LASP1: variants seen among roughly 807,000 people sequenced by gnomAD.
The protein encoded by LASP1 is LIM and SH3 domain protein 1.
A neutral mutation model predicts 38.6 loss-of-function variants in LASP1; 10 were observed. That is an observed-to-expected ratio of 0.26 (90% CI 0.16 to 0.44). The LOEUF (loss-of-function observed/expected upper bound fraction) is 0.44, where lower values mean the gene tolerates loss of function less well. Ranked by LOEUF, LASP1 falls within the 20% of genes least tolerant of loss-of-function variation. The pLI is 1.00. For synonymous variants in LASP1, 132 were observed against 140.8 expected, an observed-to-expected ratio of 0.94 and a Z score of 0.44; for missense variants, 243 against 375.7, an observed-to-expected ratio of 0.65 and a Z score of 2.92.
chr17:38,877,409 C>T (rs1232573896), intron 1 of LASP1, among the ~76,000 whole-genome samples: 1 of 152,172 alleles, frequency 6.6e-6, no homozygotes, highest in Non-Finnish European at 1.5e-5. Flanking sequence ...CGGGTGCTCT[C>T]CTGCCCTCCT....
chr17:38,887,360 G>A (rs1482053566), intron 2 of LASP1, among the ~76,000 whole-genome samples: 1 of 152,176 alleles, frequency 6.6e-6, no homozygotes, highest in Non-Finnish European at 1.5e-5. Flanking sequence ...CTCAGGGCCT[G>A]CCAGCCCTGC....
At position 38,920,316 on chromosome 17, in the gene LASP1, A is replaced by G; in HGVS notation, c.*1538A>G. On this transcript the variant is annotated 3_prime_UTR_variant, in exon 7 of 7. Coordinates refer to ENST00000318008, the MANE Select transcript of LASP1 (RefSeq NM_006148.4). Reference sequence around the variant, plus strand: ...TCCCCTAGACCTCCCCCTCACTTACATAAAGCTCCCTTGAAGCAAGAAAGA... The same window carrying G: ...TCCCCTAGACCTCCCCCTCACTTACGTAAAGCTCCCTTGAAGCAAGAAAGA... 2.6e-6 allele frequency: 1 copy of G among 388,312 alleles called. No individual in the cohort carries two copies. Among genetic ancestry groups the G allele is most frequent in the Non-Finnish European group, 5.0e-6 (1 of 201,700 alleles). The allele number at this position is 388,312 out of a possible 1,614,324, so 24.1% of individuals were successfully genotyped here. A position where few individuals can be genotyped will look rare whatever the true frequency, so the allele number is the denominator to read the frequency against.
intron 4 of LASP1, among the ~76,000 whole-genome samples, chr17:38,909,934 G>A (rs1407955508): frequency 6.6e-6 from 1 of 152,112 alleles, no homozygotes; most frequent in Non-Finnish European, 1.5e-5. Context: ...TTTCAGTAGA[G>A]ACAGGGTTTC....
intron 2 of LASP1, among the ~76,000 whole-genome samples, chr17:38,884,456 T>C (rs78737686): frequency 0.52 from 77,844 of 150,468 alleles, 21,074 homozygotes; most frequent in African/African-American, 0.67. Context: ...GGCGCAATCT[T>C]GGCTCACTGC....
chr17:38,897,606 G>A (rs1914523642), intron 3 of LASP1, among the ~76,000 whole-genome samples: 1 of 152,200 alleles, frequency 6.6e-6, no homozygotes, highest in African/African-American at 2.4e-5. Flanking sequence ...CCTTTCTGAT[G>A]TCTGACTTGA....
chr17:38,892,090 A>G (rs905729384), intron 3 of LASP1, among the ~76,000 whole-genome samples: 2 of 152,144 alleles, frequency 1.3e-5, no homozygotes, highest in Non-Finnish European at 2.9e-5. Flanking sequence ...CCCTGTCTCT[A>G]AAAAAAGGAA....
intron 1 of LASP1, among the ~76,000 whole-genome samples, chr17:38,877,056 A>G (rs1913801981): frequency 6.6e-6 from 1 of 152,138 alleles, no homozygotes. Flanking sequence ...GGCACAGTGA[A>G]GCCCCTCTGC....
chr17:38,881,240 TCTTA>T (rs929669350), intron 2 of LASP1, among the ~76,000 whole-genome samples: 41 of 152,226 alleles, frequency 2.7e-4, no homozygotes, highest in African/African-American at 9.9e-4. Context: ...CCTCCTGCTT[TCTTA>T]CTTTTTTTGT....
chr17:38,919,965 TCTTC>T lies in LASP1; in HGVS notation c.*1189_*1192del. ...GGTTATGTGAGGGTATGAAGAGCTG[TCTTC>T]CCCTGAGAGTTTCCTCAGAACCCAC... is the stretch of plus-strand genomic sequence containing the variant. On this transcript the variant is annotated 3_prime_UTR_variant, in exon 7 of 7. Coordinates refer to ENST00000318008, the MANE Select transcript of LASP1 (RefSeq NM_006148.4). The T allele has an allele frequency of 1.9e-6, 1 of 534,980 alleles. No individual in the cohort carries two copies. The highest frequency in any genetic ancestry group is 3.6e-6 in the Non-Finnish European group (1 of 276,716). The allele number at this position is 534,980 out of a possible 1,614,324, so 33.1% of individuals were successfully genotyped here.
At chr17:38,892,421 C>T (rs1363708536) in intron 3 of LASP1, among the ~76,000 whole-genome samples, 2 of 152,204 alleles carry the variant, frequency 1.3e-5, no homozygotes, top group Non-Finnish European at 2.9e-5. Context: ...CCATATTTTA[C>T]AGATTCTAGC....
chr17:38,872,163 A>G (rs1181431865), intron 1 of LASP1, among the ~76,000 whole-genome samples: 3 of 152,196 alleles, frequency 2.0e-5, no homozygotes, highest in African/African-American at 7.2e-5. Context: ...AGTATTCACC[A>G]TCTGTCAGAT....
chr17:38,910,521 T>C (rs1914907594), intron 4 of LASP1, among the ~76,000 whole-genome samples: 1 of 151,872 alleles, frequency 6.6e-6, no homozygotes, highest in Non-Finnish European at 1.5e-5. Context: ...GGCTGTGGGC[T>C]GGATTTGGTC....
At position 38,918,171 on chromosome 17, in the gene LASP1, G is replaced by A. The variant is rs1185687268; in HGVS notation, c.613-434G>A. ...AAAAAAAAAAAGAGGGAGTTGGGGG[G>A]TCTTACTGTGTTTCCCAGGCTGATT... On this transcript the variant is annotated intron_variant, in intron 6 of 6. Transcript: ENST00000318008. This position sits in a 1 kb window ranked among gnomAD's most constrained non-coding sequence, Gnocchi z 4.4. Among the ~76,000 whole-genome samples the A allele has an allele frequency of 2.6e-5, 4 of 151,916 alleles. No homozygotes were observed. Among genetic ancestry groups the A allele is most frequent in the Admixed American group, 6.6e-5 (1 of 15,260 alleles).
chr17:38,878,753 T>A (rs1913855258), intron 2 of LASP1, among the ~76,000 whole-genome samples: 1 of 152,144 alleles, frequency 6.6e-6, no homozygotes, highest in South Asian at 2.1e-4. Context: ...TTTTTGAGAA[T>A]GGGCAGGGGT....
At chr17:38,882,590 C>G (rs1046805871) in intron 2 of LASP1, among the ~76,000 whole-genome samples, 1 of 152,182 alleles carries the variant, frequency 6.6e-6, no homozygotes, top group East Asian at 1.9e-4. Flanking sequence ...TGAGCCTGCT[C>G]TTGGTGAGAG....
chr17:38,915,298 T>C (rs1023750802), intron 6 of LASP1, 152 bp downstream of exon 6: 19 of 643,956 alleles, frequency 3.0e-5, no homozygotes, highest in Non-Finnish European at 4.2e-5. Context: ...AGGAAATTGG[T>C]TGGCGTAGTG....
At chr17:38,908,430 G>C (rs1914831658) in intron 4 of LASP1, among the ~76,000 whole-genome samples, 1 of 152,222 alleles carries the variant, frequency 6.6e-6, no homozygotes, top group Non-Finnish European at 1.5e-5. Flanking sequence ...ATCACTAAGA[G>C]AGTGGGGCTC....
chr17:38,902,933 C>A (rs1261841562), intron 4 of LASP1, among the ~76,000 whole-genome samples: 2 of 152,074 alleles, frequency 1.3e-5, no homozygotes, highest in South Asian at 4.1e-4. Flanking sequence ...GAACTCCTGA[C>A]CTCAGGTGAT....
chr17:38,899,207 G>C (rs1047094011), intron 4 of LASP1: 2 of 194,800 alleles, frequency 1.0e-5, no homozygotes, highest in African/African-American at 4.6e-5. Context: ...TTAGGCATGC[G>C]GGGGCAGGGC....
Sources: allele counts gnomAD v4.1 joint callset (sites outside exome capture counted in the v4.1 genomes callset), GRCh38; gene constraint gnomAD v4.1.1; non-coding constraint Gnocchi (gnomAD v3.1); transcripts MANE v1.5; gene names NCBI Gene and HGNC (gene_info 2026-07-23, HGNC 2026-07-21).